TPM4: variants seen among roughly 807,000 people sequenced by gnomAD.
TPM4 encodes tropomyosin alpha-4 chain.
Under a neutral mutation model 35.8 loss-of-function variants are expected in TPM4, and 17 were observed. The ratio of observed to expected loss-of-function variants is 0.47; its 90% CI spans 0.32 to 0.71. The LOEUF (loss-of-function observed/expected upper bound fraction) is 0.71. Ranked by LOEUF, TPM4 falls within the 30% of genes least tolerant of loss-of-function variation. The probability of loss-of-function intolerance (pLI) is 0.03; values close to 1 mark genes in which losing one functional copy is unlikely to be tolerated. For missense variants in TPM4, 240 were observed against 320.9 expected, an observed-to-expected ratio of 0.75 and a Z score of 1.93; for synonymous variants, 120 against 122.9, an observed-to-expected ratio of 0.98 and a Z score of 0.15.
At chr19:16,077,477 G>C (rs1021987187) in intron 1 of TPM4, 1 of 152,202 alleles carries the variant, frequency 6.6e-6, no homozygotes, top group African/African-American at 2.4e-5. Context: ...GATAAACAAT[G>C]GGTCTGAAAA....
chr19:16,071,188 T>C (rs1262022105), intron 2 of TPM4, among the ~76,000 whole-genome samples: 1 of 152,078 alleles, frequency 6.6e-6, no homozygotes, highest in Non-Finnish European at 1.5e-5. Context: ...TGTATATCAG[T>C]CTTTAAATGT....
intron 1 of TPM4, chr19:16,077,363 C>G (rs2090423284): frequency 6.6e-6 from 1 of 152,188 alleles, no homozygotes; most frequent in African/African-American, 2.4e-5. Flanking sequence ...GGCGGCGGGA[C>G]CCTGCCTCTC....
intron 1 of TPM4, among the ~76,000 whole-genome samples, chr19:16,079,019 G>A (rs2090448470): frequency 6.6e-6 from 1 of 152,076 alleles, no homozygotes; most frequent in East Asian, 1.9e-4. Flanking sequence ...ATCCTTTGTA[G>A]CGTGTGGAAG....
chr19:16,088,353 C>T, intron 4 of TPM4: 2 of 1,308,998 alleles, frequency 1.5e-6, no homozygotes, highest in Non-Finnish European at 2.0e-6. Flanking sequence ...CAGGAGGCAG[C>T]AGGGAAGCCC....
chr19:16,067,853 A>C lies in TPM4; in HGVS notation c.114+115A>C. Reference sequence around the variant, plus strand: ...ACACCTGCGGGAGGATAGGAGGCTGATGCTTTGGCGGAGGAAGAGCGAGGG... The same window carrying C: ...ACACCTGCGGGAGGATAGGAGGCTGCTGCTTTGGCGGAGGAAGAGCGAGGG... On this transcript the variant is annotated intron_variant, in intron 2 of 2. Transcript: ENST00000589897. The surrounding 1 kb of genome is among the most constrained non-coding windows in gnomAD (Gnocchi z 4.1). 1.0e-6 allele frequency: 1 copy of C among 956,082 alleles called. No individual in the cohort carries two copies. The highest frequency in any genetic ancestry group is 1.5e-6 in the Non-Finnish European group (1 of 655,392). 59.2% of individuals were successfully genotyped at this position (956,082 alleles called of 1,614,324 possible).
At chr19:16,081,779 A>G (rs1335387815) in intron 1 of TPM4, 134 bp from the exon 2 acceptor site, 1 of 1,235,062 alleles carries the variant, frequency 8.1e-7, no homozygotes, top group African/African-American at 1.5e-5. Context: ...ATGAGTGTAA[A>G]TTCCCTATGG....
chr19:16,098,603 T>C (rs1342328386), intron 7 of TPM4, among the ~76,000 whole-genome samples: 1 of 152,092 alleles, frequency 6.6e-6, no homozygotes, highest in Non-Finnish European at 1.5e-5. Context: ...TGCTAAAGCA[T>C]CTGAGTGACA....
chr19:16,082,332 A>G (rs1476515996), intron 2 of TPM4, among the ~76,000 whole-genome samples: 1 of 151,880 alleles, frequency 6.6e-6, no homozygotes, highest in African/African-American at 2.4e-5. Context: ...AACATGGTGA[A>G]ACCCCGTCTT....
Position 16,086,428 on chromosome 19 carries a change from T to C in TPM4, c.272T>C (p.Met91Thr), listed in dbSNP as rs114391121. 1.2e-6 allele frequency: 2 copies of C among 1,612,470 alleles called. No individual in the cohort carries two copies. Among genetic ancestry groups the C allele is most frequent in the Admixed American group, 3.3e-5 (2 of 59,920 alleles). Reference sequence around the variant, plus strand: ...GATGAGATTGCTCCTTGCAGAGGAATGAAGGTGATAGAAAACCGGGCCATG... The same window carrying C: ...GATGAGATTGCTCCTTGCAGAGGAACGAAGGTGATAGAAAACCGGGCCATG... ...EKAADESERG[M>T]KVIENRAMKD... The change falls in exon 3 of 8, where the codon ATG becomes ACG. Residue 91 changes from methionine (M) to threonine (T), a missense_variant. Physicochemically the swap from Met to Thr is moderately conservative, Grantham distance 81. Transcript: ENST00000643579.
upstream of TPM4, among the ~76,000 whole-genome samples, chr19:16,073,958 A>AAAAAAC (rs1455511715): frequency 6.8e-3 from 813 of 120,224 alleles, 31 homozygotes; most frequent in African/African-American, 0.025. Context: ...AAAAAAAAAA[A>AAAAAAC]AACGCAAAAA....
At chr19:16,088,494 G>A (rs2090586994) in intron 4 of TPM4, 18 of 1,061,358 alleles carry the variant, frequency 1.7e-5, no homozygotes, top group Non-Finnish European at 1.9e-5. Context: ...GTTTGGCCGT[G>A]ACACATTCCT....
chr19:16,098,874 A>C (rs2090732458), intron 7 of TPM4, among the ~76,000 whole-genome samples: 1 of 152,218 alleles, frequency 6.6e-6, no homozygotes, highest in Admixed American at 6.5e-5. Context: ...TACTTTAACC[A>C]TGCCAACGTG....
chr19:16,089,176 C>T (rs1480747320), intron 5 of TPM4, 56 bp downstream of exon 5: 6 of 1,606,588 alleles, frequency 3.7e-6, no homozygotes, highest in Non-Finnish European at 5.1e-6. Context: ...CTTTTCTTCT[C>T]CCGAGGGATG....
chr19:16,095,238 T>C, intron 7 of TPM4: 10 of 1,018,002 alleles, frequency 9.8e-6, no homozygotes, highest in Non-Finnish European at 1.2e-5. Flanking sequence ...TTCTGAACTG[T>C]CTCCCTGGGG....
At chr19:16,096,795 C>G (rs1361960598) in intron 7 of TPM4, among the ~76,000 whole-genome samples, 1 of 152,116 alleles carries the variant, frequency 6.6e-6, no homozygotes, top group Non-Finnish European at 1.5e-5. Flanking sequence ...CCTGAGACTG[C>G]TAACATCAAT....
intron 5 of TPM4, among the ~76,000 whole-genome samples, chr19:16,092,187 AAAAAG>A (rs1190055992): frequency 2.0e-5 from 3 of 151,970 alleles, no homozygotes; most frequent in East Asian, 1.9e-4. Flanking sequence ...GAAAAAAAAA[AAAAAG>A]AAAAGAAAAG....
intron 7 of TPM4, among the ~76,000 whole-genome samples, chr19:16,096,737 A>G (rs558605193): frequency 5.9e-5 from 9 of 152,244 alleles, no homozygotes; most frequent in African/African-American, 2.2e-4. Flanking sequence ...AAGTGCTGTG[A>G]CGTCAGAAGA....
At chr19:16,073,752 C>A (rs1233807579), upstream of TPM4, among the ~76,000 whole-genome samples, 1 of 151,960 alleles carries the variant, frequency 6.6e-6, no homozygotes, top group African/African-American at 2.4e-5. Context: ...GAACCTCCAG[C>A]TGCCAGCCTC....
intron 3 of TPM4, among the ~76,000 whole-genome samples, chr19:16,087,758 G>C (rs367850139): frequency 6.6e-6 from 1 of 152,060 alleles, no homozygotes. Context: ...GCACGCGCCT[G>C]TAGTCCCAGC....
Sources: allele counts gnomAD v4.1 joint callset (sites outside exome capture counted in the v4.1 genomes callset), GRCh38; gene constraint gnomAD v4.1.1; non-coding constraint Gnocchi (gnomAD v3.1); transcripts MANE v1.5; gene names NCBI Gene and HGNC (gene_info 2026-07-23, HGNC 2026-07-21).